Variants in NEDD9 observed in about 807,000 individuals in gnomAD.
The protein encoded by NEDD9 is neural precursor cell expressed, developmentally down-regulated 9, also known as enhancer of filamentation 1.
Under a neutral mutation model 76.6 loss-of-function variants are expected in NEDD9, and 26 were observed. That is an observed-to-expected ratio of 0.34 (90% CI 0.25 to 0.47). The LOEUF is 0.47. Ranked by LOEUF, NEDD9 falls within the 20% of genes least tolerant of loss-of-function variation. NEDD9 has a pLI of 1.00. For synonymous variants in NEDD9, 392 were observed against 414.2 expected, an observed-to-expected ratio of 0.95 and a Z score of 0.65; for missense variants, 937 against 1,058.5, an observed-to-expected ratio of 0.89 and a Z score of 1.59.
In NEDD9 at chr6:11,276,411, G is replaced by A. The variant is rs549226674; in HGVS notation, c.12+29581C>T. On this transcript the variant is annotated intron_variant, in intron 3 of 3. Coordinates refer to the NEDD9 transcript ENST00000397378. ...TGTGTGCGTGCATGTGTGTGTGCAC[G>A]TGTGTGTGCGCACGCGCACACATGC... 2.8e-4 allele frequency among the ~76,000 whole-genome samples: 43 copies of A among 152,260 alleles called. 1 individual carries two copies. The highest frequency in any genetic ancestry group is 9.6e-4 in the African/African-American group (40 of 41,578).
intron 2 of NEDD9, among the ~76,000 whole-genome samples, chr6:11,330,848 G>A (rs1183472649): frequency 6.6e-6 from 1 of 152,182 alleles, no homozygotes; most frequent in Non-Finnish European, 1.5e-5. Flanking sequence ...GACTTTGGCT[G>A]GCACCCCAAG....
At chr6:11,253,206 C>T (rs1441693270) in intron 3 of NEDD9, among the ~76,000 whole-genome samples, 2 of 152,090 alleles carry the variant, frequency 1.3e-5, no homozygotes, top group Non-Finnish European at 1.5e-5. Flanking sequence ...TGTGCGCAGT[C>T]GTTGAACTTA....
chr6:11,277,193 T>C (rs1201389946), intron 3 of NEDD9, among the ~76,000 whole-genome samples: 1 of 152,236 alleles, frequency 6.6e-6, no homozygotes, highest in Non-Finnish European at 1.5e-5. Flanking sequence ...CTCTTGTCCT[T>C]ACACTTAAAA....
intron 3 of NEDD9, among the ~76,000 whole-genome samples, chr6:11,298,938 G>A (rs1432321484): frequency 6.6e-6 from 1 of 152,228 alleles, no homozygotes; most frequent in Non-Finnish European, 1.5e-5. Flanking sequence ...GAAGATGGGT[G>A]ATTTCTGCAT....
intron 4 of NEDD9, 85 bp downstream of exon 4, chr6:11,192,260 C>G: frequency 2.2e-6 from 1 of 446,570 alleles, no homozygotes; most frequent in South Asian, 2.7e-5. Flanking sequence ...GAGTGAACTA[C>G]TTACCCACCC....
chr6:11,238,255 G>A (rs1408547308), intron 3 of NEDD9, among the ~76,000 whole-genome samples: 1 of 152,212 alleles, frequency 6.6e-6, no homozygotes, highest in Non-Finnish European at 1.5e-5. Flanking sequence ...GACTGGAGAA[G>A]TTCTACAGCA....
chr6:11,341,919 A>G (rs1762281604), intron 1 of NEDD9, among the ~76,000 whole-genome samples: 1 of 152,190 alleles, frequency 6.6e-6, no homozygotes. Flanking sequence ...TACAATATAT[A>G]TTCAAAAAAT....
chr6:11,308,361 CTTT>C (rs933892327), intron 2 of NEDD9, among the ~76,000 whole-genome samples: 915 of 87,798 alleles, frequency 0.01, 5 homozygotes, highest in African/African-American at 0.041. Context: ...GATGGGACAT[CTTT>C]TTTTTTTTTT....
intron 2 of NEDD9, among the ~76,000 whole-genome samples, chr6:11,320,181 G>A (rs1264258995): frequency 6.6e-6 from 1 of 152,064 alleles, no homozygotes; most frequent in African/African-American, 2.4e-5. Context: ...GCCAAGCTGA[G>A]TTGAACTGTA....
At chr6:11,200,770 G>A (rs1044361150) in intron 2 of NEDD9, 1 of 1,415,594 alleles carries the variant, frequency 7.1e-7, no homozygotes, top group African/African-American at 1.4e-5. Context: ...AGAGTTCTTG[G>A]GGTTACTGTT....
chr6:11,263,922 ATC>A (rs2113329239), intron 3 of NEDD9, among the ~76,000 whole-genome samples: 1 of 152,318 alleles, frequency 6.6e-6, no homozygotes, highest in African/African-American at 2.4e-5. Context: ...ATATCAGAGC[ATC>A]TCTTAGTCTT....
At chr6:11,196,010 A>G (rs985401361) in intron 2 of NEDD9, among the ~76,000 whole-genome samples, 3 of 151,986 alleles carry the variant, frequency 2.0e-5, no homozygotes, top group Admixed American at 1.3e-4. Flanking sequence ...ACAAACAAAC[A>G]ATCAAACAAA....
rs1468926136 is a variant in NEDD9, at chr6:11,319,742, ACACACACTAACATG to A, written c.-152-13601_-152-13588del. Among the ~76,000 whole-genome samples the A allele has an allele frequency of 9.5e-4, 120 of 125,784 alleles. 2 individuals carry two copies. The East Asian group carries it at 0.015, about 16-fold the overall frequency. The allele number at this position is 125,784 out of a possible 152,430, so 82.5% of individuals were successfully genotyped here. A position where few individuals can be genotyped will look rare whatever the true frequency, so the allele number is the denominator to read the frequency against. The stretch of plus-strand genomic sequence containing the variant: ...TGCACACTCACACACTAACATGCAC[ACACACACTAACATG>A]CACACTAACATGCACACTCACGCAC... On this transcript the variant is annotated intron_variant, in intron 2 of 3. Transcript: ENST00000397378.
intron 3 of NEDD9, among the ~76,000 whole-genome samples, chr6:11,295,589 C>T (rs140293544): frequency 1.1e-4 from 16 of 152,294 alleles, no homozygotes; most frequent in Admixed American, 6.5e-4. Context: ...CCTCCTCCCT[C>T]GGGTGGCCTG....
chr6:11,201,146 C>A, intron 2 of NEDD9: 1 of 1,372,182 alleles, frequency 7.3e-7, no homozygotes. Context: ...TTTCCTTGGG[C>A]ATCCACTTCA....
intron 1 of NEDD9, among the ~76,000 whole-genome samples, chr6:11,218,164 TC>T (rs1173918024): frequency 6.6e-6 from 1 of 152,178 alleles, no homozygotes; most frequent in Non-Finnish European, 1.5e-5. Context: ...CTAATGGGCA[TC>T]TTCCTCTCTA....
At chr6:11,376,717 A>C (rs1437593566) in intron 1 of NEDD9, among the ~76,000 whole-genome samples, 1 of 152,250 alleles carries the variant, frequency 6.6e-6, no homozygotes, top group Non-Finnish European at 1.5e-5. Context: ...GCTCTGTGGT[A>C]GAGAAAGAAT....
chr6:11,328,138 G>A (rs1761967276), intron 2 of NEDD9, among the ~76,000 whole-genome samples: 1 of 152,222 alleles, frequency 6.6e-6, no homozygotes, highest in Non-Finnish European at 1.5e-5. Context: ...GTGCTCAGTG[G>A]GGGCAGTGCC....
Position 11,188,208 on chromosome 6 carries a change from T to C in NEDD9, c.1995+10A>G, listed in dbSNP as rs1467398501. 5 of 1,612,542 alleles carry C rather than the reference T, an allele frequency of 3.1e-6. No homozygotes were observed. Among genetic ancestry groups the C allele is most frequent in the Admixed American group, 1.7e-5 (1 of 60,030 alleles). ...CAATGCCAAGCAGTTTTTGCTCTGATTGAACTTACCTGATGATGTTCCAGC... is the reference window on the plus strand; with the variant it reads ...CAATGCCAAGCAGTTTTTGCTCTGACTGAACTTACCTGATGATGTTCCAGC... On this transcript the variant is annotated intron_variant, in intron 6 of 6. Transcript: ENST00000379446.
Sources: gnomAD v4.1 joint callset for allele counts (sites outside exome capture counted in the v4.1 genomes callset) on GRCh38, gnomAD v4.1.1 for gene constraint, MANE v1.5 for transcripts, NCBI Gene and HGNC (gene_info 2026-07-23, HGNC 2026-07-21) for gene names.